The following DIS3L2 variants were observed in gnomAD, a reference collection of about 807,000 sequenced individuals.
DIS3L2 encodes DIS3-like exonuclease 2.
DIS3L2 carries 34 observed loss-of-function variants against 97.5 expected under a neutral mutation model. The observed-to-expected ratio is 0.35, with a 90% CI of 0.27 to 0.46. The LOEUF is 0.46. DIS3L2 is among the 20% of genes least tolerant of loss of function. The pLI is 1.00. For missense variants in DIS3L2, 1,038 were observed against 1,146.0 expected (o/e 0.91, Z 1.36); for synonymous variants, 435 against 445.2 (o/e 0.98, Z 0.29).
At chr2:232,083,813 G>C (rs1193690976) in intron 5 of DIS3L2, among the ~76,000 whole-genome samples, 1 of 152,072 alleles carries the variant, frequency 6.6e-6, no homozygotes, top group Non-Finnish European at 1.5e-5. Context: ...CTTTCCAGGA[G>C]ACTACCTTTT....
intron 14 of DIS3L2, among the ~76,000 whole-genome samples, chr2:232,317,189 G>T (rs578191259): frequency 6.6e-6 from 1 of 152,324 alleles, no homozygotes; most frequent in African/African-American, 2.4e-5. Context: ...GGCAGTAAGT[G>T]CTGCGGAAAC....
At chr2:232,082,973 A>C (rs1559608266) in intron 5 of DIS3L2, among the ~76,000 whole-genome samples, 1 of 152,188 alleles carries the variant, frequency 6.6e-6, no homozygotes, top group Non-Finnish European at 1.5e-5. Context: ...GCGGCCTACA[A>C]AGGAAGAGGA....
At chr2:232,176,795 T>TAA (rs1559706505) in intron 9 of DIS3L2, among the ~76,000 whole-genome samples, 6 of 148,518 alleles carry the variant, frequency 4.0e-5, no homozygotes, top group Non-Finnish European at 7.5e-5. Context: ...ATTAATTAAT[T>TAA]TATTATTATT....
chr2:232,077,885 C>T (rs1399761342), intron 5 of DIS3L2, among the ~76,000 whole-genome samples: 1 of 152,204 alleles, frequency 6.6e-6, no homozygotes, highest in African/African-American at 2.4e-5. Context: ...AACTGGTATC[C>T]TTCAGCACCA....
chr2:232,063,092 C>G (rs1474606021), intron 5 of DIS3L2, among the ~76,000 whole-genome samples: 1 of 152,198 alleles, frequency 6.6e-6, no homozygotes, highest in Non-Finnish European at 1.5e-5. Flanking sequence ...CTGCTTCACT[C>G]CAGGCTTCAG....
chr2:232,063,415 G>C (rs1215066435), intron 5 of DIS3L2, among the ~76,000 whole-genome samples: 1 of 152,140 alleles, frequency 6.6e-6, no homozygotes, highest in Non-Finnish European at 1.5e-5. Flanking sequence ...GCGTTTTAAG[G>C]TACATACGAA....
At chr2:232,105,586 G>A (rs1301682994) in intron 6 of DIS3L2, among the ~76,000 whole-genome samples, 2 of 152,084 alleles carry the variant, frequency 1.3e-5, no homozygotes, top group Non-Finnish European at 2.9e-5. Flanking sequence ...GACCTAGGCA[G>A]CTTGGGTTTC....
chr2:232,217,109 G>C (rs768057076), intron 10 of DIS3L2, among the ~76,000 whole-genome samples: 10 of 152,156 alleles, frequency 6.6e-5, no homozygotes, highest in Non-Finnish European at 1.5e-4. Context: ...CCAAAGTGCT[G>C]GGATTAAAGG....
intron 13 of DIS3L2, among the ~76,000 whole-genome samples, chr2:232,278,860 T>C (rs1694212770): frequency 6.6e-6 from 1 of 152,244 alleles, no homozygotes; most frequent in African/African-American, 2.4e-5. Flanking sequence ...TAAGTGTATA[T>C]TTAACTTCAT....
intron 18 of DIS3L2, 22 bp downstream of exon 18, chr2:232,334,521 C>T (rs764630956): frequency 6.2e-7 from 1 of 1,612,698 alleles, no homozygotes. Flanking sequence ...AGCCTGGTGC[C>T]CCTCACCTCC....
rs545472854 is a variant in DIS3L2 at position 232,144,428 on chromosome 2, A to C, written c.950+7709A>C. Among the ~76,000 whole-genome samples the C allele has an allele frequency of 5.9e-5, 9 of 152,146 alleles. No homozygotes were observed. The South Asian group carries it at 1.9e-3, about 32-fold the overall frequency. Reference sequence around the variant, plus strand: ...AGGTTGAACATCTTTCCATATACTCATGGTCATGTTTCCTCTTCTAGACAG... The same window carrying C: ...AGGTTGAACATCTTTCCATATACTCCTGGTCATGTTTCCTCTTCTAGACAG... On this transcript the variant is annotated intron_variant, in intron 8 of 20. Transcript: ENST00000325385.
chr2:232,025,787 C>T (rs1196982631), intron 4 of DIS3L2, among the ~76,000 whole-genome samples: 1 of 152,144 alleles, frequency 6.6e-6, no homozygotes, highest in African/African-American at 2.4e-5. Context: ...GTGTTGGAGA[C>T]GGATAAACCA....
chr2:232,272,017 T>C (rs1559185898), intron 13 of DIS3L2, among the ~76,000 whole-genome samples: 1 of 152,238 alleles, frequency 6.6e-6, no homozygotes, highest in Non-Finnish European at 1.5e-5. Context: ...TATTTCTGGC[T>C]TGTTCACGAG....
chr2:232,224,270 A>G (rs1692580810), intron 10 of DIS3L2, among the ~76,000 whole-genome samples: 1 of 152,246 alleles, frequency 6.6e-6, no homozygotes, highest in Non-Finnish European at 1.5e-5. Flanking sequence ...TTATCAATAA[A>G]TGGTACTAGA....
chr2:232,222,772 G>A (rs1048384849), intron 10 of DIS3L2, among the ~76,000 whole-genome samples: 2 of 152,210 alleles, frequency 1.3e-5, no homozygotes, highest in African/African-American at 4.8e-5. Context: ...CAGCTGGTGA[G>A]TGAACAATTT....
chr2:232,321,191 G>T (rs1167579302), intron 14 of DIS3L2, among the ~76,000 whole-genome samples: 2 of 152,118 alleles, frequency 1.3e-5, no homozygotes, highest in Non-Finnish European at 1.5e-5. Flanking sequence ...AAAAGCCTGC[G>T]GGGGGCCAGG....
intron 9 of DIS3L2, among the ~76,000 whole-genome samples, chr2:232,207,039 A>G (rs988447376): frequency 1.3e-5 from 2 of 152,220 alleles, no homozygotes; most frequent in African/African-American, 2.4e-5. Flanking sequence ...CAAGTAACCT[A>G]GTAAACGATG....
At chr2:232,028,661 A>T (rs1255669622) in intron 4 of DIS3L2, among the ~76,000 whole-genome samples, 1 of 152,162 alleles carries the variant, frequency 6.6e-6, no homozygotes. Context: ...TTTCATTCCA[A>T]GGAGGTCTGA....
chr2:232,223,653 A>G (rs900959799), intron 10 of DIS3L2, among the ~76,000 whole-genome samples: 2 of 152,254 alleles, frequency 1.3e-5, no homozygotes, highest in Non-Finnish European at 2.9e-5. Context: ...TCTTACCTCA[A>G]TGTTCCCTGA....
Sources: gnomAD v4.1 joint callset for allele counts (sites outside exome capture counted in the v4.1 genomes callset) on GRCh38, gnomAD v4.1.1 for gene constraint, MANE v1.5 for transcripts, NCBI Gene and HGNC (gene_info 2026-07-23, HGNC 2026-07-21) for gene names.